P2RY10: variants seen among roughly 807,000 people sequenced by gnomAD.
P2RY10 encodes the protein P2Y receptor family member 10.
P2RY10 carries 4 observed loss-of-function variants against 12.1 expected under a neutral mutation model. The ratio of observed to expected loss-of-function variants is 0.33; its 90% CI spans 0.16 to 0.76. P2RY10 has a LOEUF of 0.76. Ranked by LOEUF, P2RY10 falls within the 30% of genes least tolerant of loss-of-function variation. P2RY10 has a pLI of 0.61. For synonymous variants in P2RY10, 112 were observed against 94.1 expected (o/e 1.19, Z -1.10); for missense variants, 233 against 264.6 (o/e 0.88, Z 0.83).
At position 78,961,081 on chromosome X, in the gene P2RY10, C is replaced by T. The variant is rs749965365; in HGVS notation, c.561C>T (p.Tyr187=). Residue 187 remains tyrosine (Y), a synonymous_variant, in exon 4 of 4, where the codon TAC becomes TAT. Transcript: ENST00000171757. ...AGTCCTGCTTTGCTGATCTTGGATA[C>T]AAGCAAATGAATGCAGTTGCGTTGG... is the stretch of plus-strand genomic sequence containing the variant. ...NNKSCFADLG[Y]KQMNAVALVG... is the part of the protein sequence containing the mutation. 62 of 1,208,559 alleles carry T rather than the reference C, an allele frequency of 5.1e-5. No homozygotes were observed. In the East Asian group the frequency reaches 1.8e-3, roughly 36 times the overall value.
At chrX:78,959,945 G>T (rs1343953989) in intron 3 of P2RY10, among the ~76,000 whole-genome samples, 2 of 111,724 alleles carry the variant, frequency 1.8e-5, no homozygotes, top group African/African-American at 6.5e-5. Flanking sequence ...AGAATAATGA[G>T]GCCACATTCT....
At chrX:78,951,476 C>T (rs1157402746) in intron 2 of P2RY10, among the ~76,000 whole-genome samples, 1 of 111,548 alleles carries the variant, frequency 9.0e-6, no homozygotes, top group Admixed American at 9.5e-5. Flanking sequence ...TAATGCTCTG[C>T]TAATATGTGC....
chrX:78,958,044 T>C (rs1454044326), intron 3 of P2RY10, among the ~76,000 whole-genome samples: 3 of 112,615 alleles, frequency 2.7e-5, no homozygotes, highest in Non-Finnish European at 5.6e-5. Flanking sequence ...TCACTGCCTG[T>C]GTGTGGACAA....
chrX:78,955,611 G>A (rs1922300994), intron 3 of P2RY10, among the ~76,000 whole-genome samples: 1 of 112,035 alleles, frequency 8.9e-6, no homozygotes, highest in Non-Finnish European at 1.9e-5. Flanking sequence ...AAAGATGTCA[G>A]GCTCAATCTC....
chrX:78,949,738 G>C (rs190005108), intron 2 of P2RY10, among the ~76,000 whole-genome samples: 3 of 112,021 alleles, frequency 2.7e-5, no homozygotes, highest in Non-Finnish European at 5.6e-5. Context: ...GTCTGTACTT[G>C]CAGAATGTGT....
chrX:78,950,656 A>G (rs768253797), intron 2 of P2RY10, among the ~76,000 whole-genome samples: 4 of 111,861 alleles, frequency 3.6e-5, no homozygotes, highest in Non-Finnish European at 7.5e-5. Context: ...GTGGGCAGCA[A>G]TTTGCCATAT....
intron 3 of P2RY10, among the ~76,000 whole-genome samples, chrX:78,960,112 C>CTA (rs1922534526): frequency 8.9e-6 from 1 of 112,074 alleles, no homozygotes; most frequent in South Asian, 3.7e-4. Context: ...GGCTAAATTT[C>CTA]TACTACTGCA....
At chrX:78,959,750 C>T (rs774849074) in intron 3 of P2RY10, among the ~76,000 whole-genome samples, 2 of 111,789 alleles carry the variant, frequency 1.8e-5, no homozygotes, top group Admixed American at 9.5e-5. Flanking sequence ...AATGTTGCCA[C>T]ACCAATACAG....
intron 3 of P2RY10, 105 bp downstream of exon 3, chrX:78,952,440 G>A: frequency 1.5e-5 from 6 of 407,492 alleles, no homozygotes; most frequent in Non-Finnish European, 1.9e-5. Flanking sequence ...TGACTGAAGT[G>A]AGGTTGTGGG....
intron 3 of P2RY10, among the ~76,000 whole-genome samples, chrX:78,954,507 C>G (rs1922248205): frequency 8.9e-6 from 1 of 112,037 alleles, no homozygotes; most frequent in African/African-American, 3.2e-5. Context: ...AAATCCTGCC[C>G]ATTCCCAAAA....
At chrX:78,957,387 C>CACACACAGAGAGAG (rs760263078) in intron 3 of P2RY10, among the ~76,000 whole-genome samples, 13 of 75,828 alleles carry the variant, frequency 1.7e-4, no homozygotes, top group Non-Finnish European at 3.6e-4. Context: ...CACACACACA[C>CACACACAGAGAGAG]AGAGAGAGAG....
chrX:78,960,097 A>T (rs1922533499), intron 3 of P2RY10, among the ~76,000 whole-genome samples: 1 of 111,999 alleles, frequency 8.9e-6, no homozygotes, highest in Non-Finnish European at 1.9e-5. Context: ...GAACCTAAAA[A>T]GTGAGGCTAA....
chrX:78,946,513 C>A (rs1921838903), intron 1 of P2RY10, among the ~76,000 whole-genome samples: 1 of 111,911 alleles, frequency 8.9e-6, no homozygotes, highest in Non-Finnish European at 1.9e-5. Flanking sequence ...CTGTGCTTTC[C>A]AGGGGAGTAG....
chrX:78,960,505 C>T lies in P2RY10; in HGVS notation c.-13-3C>T. ...ACTCTTTATTTTGTTTTACTTTGGG[C>T]AGGAACCATAAATCCATGGCTAACC... On this transcript the variant is annotated splice_region_variant and splice_polypyrimidine_tract_variant and intron_variant, in intron 3 of 3. Transcript: ENST00000171757. The T allele has an allele frequency of 8.4e-7, 1 of 1,194,091 alleles. No individual in the cohort carries two copies. Among genetic ancestry groups the T allele is most frequent in the Non-Finnish European group, 1.1e-6 (1 of 884,807 alleles).
intron 1 of P2RY10, among the ~76,000 whole-genome samples, chrX:78,945,971 G>A (rs1921815276): frequency 8.9e-6 from 1 of 112,004 alleles, no homozygotes; most frequent in Non-Finnish European, 1.9e-5. Flanking sequence ...GAGACAAATA[G>A]TAGAAAGCAG....
At chrX:78,946,186 A>T (rs913150328) in intron 1 of P2RY10, among the ~76,000 whole-genome samples, 1 of 111,499 alleles carries the variant, frequency 9.0e-6, no homozygotes, top group African/African-American at 3.3e-5. Flanking sequence ...CTGTAAATTT[A>T]TTTGTGACCC....
intron 2 of P2RY10, among the ~76,000 whole-genome samples, chrX:78,951,691 C>A (rs771468361): frequency 9.0e-6 from 1 of 111,455 alleles, no homozygotes; most frequent in African/African-American, 3.3e-5. Context: ...TAACTTTGTG[C>A]GTGCCATTTT....
intron 3 of P2RY10, among the ~76,000 whole-genome samples, chrX:78,955,785 C>T (rs989893336): frequency 2.7e-5 from 3 of 111,271 alleles, no homozygotes; most frequent in African/African-American, 6.5e-5. Flanking sequence ...TTTCCTTCAC[C>T]TTTAAAAGAT....
Position 78,960,579 on chromosome X carries a change from C to T in P2RY10, c.59C>T (p.Thr20Ile). The change falls in exon 4 of 4, where the codon ACT (threonine) becomes ATT (isoleucine). Residue 20 changes from threonine (T) to isoleucine (I), a missense_variant. Thr to Ile is a moderately conservative substitution (Grantham distance 89). Transcript: ENST00000171757. ...AAGATGGGTAGCAACAGTACCAGCA[C>T]TGCTGAGATTTACTGTAATGTCACT... Reference protein sequence around the residue: ...TFKMGSNSTSTAEIYCNVTNV... With the variant: ...TFKMGSNSTSIAEIYCNVTNV... 2 of 1,207,801 alleles carry T rather than the reference C, an allele frequency of 1.7e-6. No homozygotes were observed. The highest frequency in any genetic ancestry group is 2.2e-6 in the Non-Finnish European group (2 of 891,852).
Sources: gnomAD v4.1 joint callset for allele counts (sites outside exome capture counted in the v4.1 genomes callset) on GRCh38, gnomAD v4.1.1 for gene constraint, MANE v1.5 for transcripts, NCBI Gene and HGNC (gene_info 2026-07-23, HGNC 2026-07-21) for gene names.